Variants in PAAF1 observed in about 807,000 individuals in gnomAD.
PAAF1 encodes proteasomal ATPase associated factor 1.
Under a neutral mutation model 52.8 loss-of-function variants are expected in PAAF1, and 46 were observed. The ratio of observed to expected loss-of-function variants is 0.87; its 90% CI spans 0.69 to 1.11. The LOEUF is 1.11. Among genes scored for constraint, PAAF1 ranks in the 50% most tolerant of loss-of-function variants. The probability of loss-of-function intolerance (pLI) is 0.00; values close to 1 mark genes in which losing one functional copy is unlikely to be tolerated. For missense variants in PAAF1, 424 were observed against 477.4 expected (o/e 0.89, Z 1.04); for synonymous variants, 178 against 172.8 (o/e 1.03, Z -0.24).
intron 6 of PAAF1, among the ~76,000 whole-genome samples, chr11:73,908,469 A>C (rs1164113771): frequency 6.6e-6 from 1 of 151,014 alleles, no homozygotes; most frequent in African/African-American, 2.4e-5. Context: ...CAGTGGAGCA[A>C]TCATGGCTTA....
intron 6 of PAAF1, 92 bp from the exon 7 acceptor site, chr11:73,909,307 A>C: frequency 8.8e-7 from 1 of 1,139,192 alleles, no homozygotes; most frequent in Admixed American, 2.1e-5. Flanking sequence ...ATGTTTGTGA[A>C]GGGATGGAGT....
chr11:73,892,089 G>A (rs1949216552), intron 4 of PAAF1, among the ~76,000 whole-genome samples: 2 of 152,080 alleles, frequency 1.3e-5, no homozygotes, highest in Admixed American at 1.3e-4. Context: ...TTGAGAGGCC[G>A]AGGTGGGTGG....
chr11:73,889,386 G>A, intron 3 of PAAF1: 1 of 517,168 alleles, frequency 1.9e-6, no homozygotes, highest in Non-Finnish European at 3.0e-6. Flanking sequence ...AAAAATGTTT[G>A]ACTTAGAATT....
chr11:73,886,694 A>G (rs1280697080), intron 2 of PAAF1, among the ~76,000 whole-genome samples: 2 of 151,306 alleles, frequency 1.3e-5, no homozygotes, highest in South Asian at 2.1e-4. Flanking sequence ...AAAAAAAAAA[A>G]AAAAGAAAAT....
At chr11:73,897,603 C>T (rs886237350) in intron 4 of PAAF1, among the ~76,000 whole-genome samples, 15 of 150,010 alleles carry the variant, frequency 1.0e-4, no homozygotes, top group African/African-American at 3.7e-4. Context: ...CGGGAAGAGG[C>T]GCTCCTCACT....
At chr11:73,892,266 T>G (rs531528827) in intron 4 of PAAF1, among the ~76,000 whole-genome samples, 2 of 145,346 alleles carry the variant, frequency 1.4e-5, no homozygotes, top group South Asian at 4.3e-4. Context: ...GAGGCTGCAG[T>G]GAGCCATGAT....
chr11:73,896,869 C>G (rs1442655363), intron 4 of PAAF1, among the ~76,000 whole-genome samples: 50 of 144,180 alleles, frequency 3.5e-4, no homozygotes, highest in Middle Eastern at 4.1e-3. Context: ...TCCCAGTAGG[C>G]GCGGCCAGGC....
intron 6 of PAAF1, among the ~76,000 whole-genome samples, chr11:73,904,697 G>A (rs1219551621): frequency 1.3e-5 from 2 of 151,876 alleles, no homozygotes; most frequent in Non-Finnish European, 2.9e-5. Context: ...TATGTATATT[G>A]CTCCCTAGCA....
At chr11:73,877,759 G>C (rs971218530) in intron 1 of PAAF1, among the ~76,000 whole-genome samples, 2 of 152,024 alleles carry the variant, frequency 1.3e-5, no homozygotes, top group African/African-American at 4.8e-5. Context: ...GGTGGTGGGC[G>C]CCTATAATCC....
chr11:73,878,810 C>T lies in PAAF1; in HGVS notation c.79C>T (p.His27Tyr). 6.2e-7 allele frequency: 1 copy of T among 1,613,754 alleles called. No homozygotes were observed. Residue 27 changes from histidine to tyrosine, a missense_variant, in exon 2 of 12, where the codon CAT (histidine) becomes TAT (tyrosine). Coordinates refer to ENST00000310571, the MANE Select transcript of PAAF1 (RefSeq NM_025155.3). The stretch of plus-strand genomic sequence containing the variant: ...TGAAGGGGAGGCCTGGCTGAGCTGT[C>T]ATCCCCCAGGTAATACCCATGAATT... ...KDEGEAWLSC[H>Y]PPGKPSLYGS...
intron 4 of PAAF1, among the ~76,000 whole-genome samples, chr11:73,894,772 C>T (rs922052347): frequency 2.6e-5 from 4 of 152,054 alleles, no homozygotes; most frequent in South Asian, 4.2e-4. Context: ...TGCAGTGAGC[C>T]GAGGTTGCGC....
Position 73,927,826 on chromosome 11 carries a change from A to T in PAAF1, c.*464A>T, listed in dbSNP as rs1235956814. 1 of 156,710 alleles carries T rather than the reference A, an allele frequency of 6.4e-6. No homozygotes were observed. The highest frequency in any genetic ancestry group is 1.9e-4 in the East Asian group (1 of 5,364). 9.7% of individuals were successfully genotyped at this position (156,710 alleles called of 1,614,324 possible). On this transcript the variant is annotated 3_prime_UTR_variant, in exon 12 of 12. Transcript: ENST00000310571. ...CCTCAGCACTCCCTGTTGCCTGGCC[A>T]TAGAGAAGGCCTGCTTGGCAGTAGC...
In PAAF1 at chr11:73,927,708, TAAAG is replaced by T. The variant is rs1406849951; in HGVS notation, c.*350_*353del. On this transcript the variant is annotated 3_prime_UTR_variant, in exon 12 of 12. Transcript: ENST00000310571. ...ACTAAAGCCTGTTCTCTGGAGGAAA[TAAAG>T]AAAATATGTTTGGAGGTGCCTGAAT... 5.1e-5 allele frequency: 12 copies of T among 236,230 alleles called. No homozygotes were observed. The Admixed American group carries it at 5.2e-4, about 10-fold the overall frequency. 14.6% of individuals were successfully genotyped at this position (236,230 alleles called of 1,614,324 possible).
chr11:73,886,885 G>C (rs1418798191), intron 2 of PAAF1: 1 of 359,608 alleles, frequency 2.8e-6, no homozygotes, highest in Non-Finnish European at 5.5e-6. Context: ...CCTCCCTGGA[G>C]AGTGAGAGTG....
chr11:73,924,667 C>T lies in PAAF1; in HGVS notation c.1071C>T (p.Leu357=). 6.2e-7 allele frequency: 1 copy of T among 1,614,078 alleles called. No individual in the cohort carries two copies. Among genetic ancestry groups the T allele is most frequent in the Non-Finnish European group, 8.5e-7 (1 of 1,179,964 alleles). The stretch of plus-strand genomic sequence containing the variant: ...AAGACTTAGACTATGTCACTGAGCT[C>T]ACTGGGGCTGACTGTGACCCTGTGT... ...VQQDLDYVTE[L]TGADCDPVYK... is the part of the protein sequence containing the mutation. Residue 357 remains leucine, a synonymous_variant, in exon 11 of 12, where the codon CTC becomes CTT. Coordinates refer to ENST00000310571, the MANE Select transcript of PAAF1 (RefSeq NM_025155.3).
In PAAF1 at chr11:73,909,482, G is replaced by T. The variant is rs1438273806; in HGVS notation, c.616G>T (p.Gly206Trp). The T allele has an allele frequency of 1.2e-6, 2 of 1,614,072 alleles. No homozygotes were observed. The highest frequency in any genetic ancestry group is 2.7e-5 in the African/African-American group (2 of 74,908). ...RDGTARLWDC[G>W]RSACLGVLAD... Reference sequence around the variant, plus strand: ...TGGGACAGCACGACTTTGGGATTGTGGGCGCTCAGCCTGCTTGGGAGTCCT... The same window carrying T: ...TGGGACAGCACGACTTTGGGATTGTTGGCGCTCAGCCTGCTTGGGAGTCCT... Residue 206 changes from glycine (G) to tryptophan (W), a missense_variant, in exon 7 of 12, where the codon GGG becomes TGG. Coordinates refer to ENST00000310571, the MANE Select transcript of PAAF1 (RefSeq NM_025155.3).
intron 6 of PAAF1, among the ~76,000 whole-genome samples, chr11:73,906,298 G>C (rs1033168505): frequency 9.2e-5 from 14 of 152,122 alleles, no homozygotes; most frequent in Non-Finnish European, 2.1e-4. Context: ...TGTTACCCAG[G>C]CTGGAGTGTA....
At chr11:73,898,215 G>C (rs1169777448) in intron 4 of PAAF1, among the ~76,000 whole-genome samples, 1 of 145,410 alleles carries the variant, frequency 6.9e-6, no homozygotes, top group African/African-American at 2.5e-5. Context: ...GGAGGGGAAG[G>C]GGGAGGGAGA....
At chr11:73,907,474 A>G (rs929454834) in intron 6 of PAAF1, among the ~76,000 whole-genome samples, 1 of 152,122 alleles carries the variant, frequency 6.6e-6, no homozygotes, top group African/African-American at 2.4e-5. Context: ...GCACCACCTG[A>G]CTTGCATCAC....
Sources: allele counts gnomAD v4.1 joint callset (sites outside exome capture counted in the v4.1 genomes callset), GRCh38; gene constraint gnomAD v4.1.1; transcripts MANE v1.5; gene names NCBI Gene and HGNC (gene_info 2026-07-23, HGNC 2026-07-21).